LRRTM4: variants seen among roughly 807,000 people sequenced by gnomAD.
LRRTM4 encodes leucine rich repeat transmembrane neuronal 4, also known as leucine-rich repeat transmembrane neuronal protein 4.
In LRRTM4, 25 loss-of-function variants were observed where a neutral mutation model predicts 47.6. The observed-to-expected ratio is 0.53, with a 90% CI of 0.38 to 0.73. The LOEUF (loss-of-function observed/expected upper bound fraction) is 0.73, where lower values mean the gene tolerates loss of function less well. Among genes scored for constraint, LRRTM4 ranks in the 30% least tolerant of loss-of-function variants. The pLI, the probability that LRRTM4 is intolerant of heterozygous loss-of-function variation, is 0.00. For missense variants in LRRTM4, 638 were observed against 713.4 expected (o/e 0.89, Z 1.20); for synonymous variants, 311 against 269.5 (o/e 1.15, Z -1.51).
intron 3 of LRRTM4, among the ~76,000 whole-genome samples, chr2:76,832,051 C>T (rs1276456561): frequency 6.6e-6 from 1 of 152,000 alleles, no homozygotes; most frequent in Non-Finnish European, 1.5e-5. Flanking sequence ...CACTGGAAAC[C>T]CATGAGTTTT....
chr2:77,512,510 T>C (rs2104107006), intron 3 of LRRTM4, among the ~76,000 whole-genome samples: 1 of 152,284 alleles, frequency 6.6e-6, no homozygotes, highest in South Asian at 2.1e-4. Flanking sequence ...TGCTTTTCAC[T>C]GATCAAAAGA....
At chr2:76,760,629 G>A (rs981673283) in intron 3 of LRRTM4, among the ~76,000 whole-genome samples, 2 of 152,072 alleles carry the variant, frequency 1.3e-5, no homozygotes, top group East Asian at 3.9e-4. Context: ...AAATCTCGGT[G>A]TATCCAATTC....
rs182588075 is a variant in LRRTM4 at position 77,246,563 on chromosome 2, A to G, written c.1551+271755T>C. ...GCCACATGGGTTTAGAGGCTACCAA[A>G]TTGGACTGCACAGATACAGAACATT... On this transcript the variant is annotated intron_variant, in intron 3 of 3. Coordinates refer to ENST00000409884, the MANE Select transcript of LRRTM4 (RefSeq NM_001134745.3). Among the ~76,000 whole-genome samples the G allele has an allele frequency of 1.8e-3, 271 of 152,252 alleles. 4 individuals are homozygous for G. Among genetic ancestry groups the G allele is most frequent in the Non-Finnish European group, 1.8e-4 (12 of 67,998 alleles).
intron 3 of LRRTM4, among the ~76,000 whole-genome samples, chr2:76,909,614 C>T (rs1447397874): frequency 6.6e-6 from 1 of 151,944 alleles, no homozygotes; most frequent in East Asian, 1.9e-4. Flanking sequence ...GGGCTAATAT[C>T]CAGAATCTAC....
At chr2:77,252,918 C>T (rs887810165) in intron 3 of LRRTM4, among the ~76,000 whole-genome samples, 2 of 152,148 alleles carry the variant, frequency 1.3e-5, no homozygotes. Flanking sequence ...TGGCTGCCTT[C>T]TTCCTATGCC....
At chr2:76,952,308 C>T (rs1039186983) in intron 3 of LRRTM4, among the ~76,000 whole-genome samples, 9 of 151,868 alleles carry the variant, frequency 5.9e-5, no homozygotes, top group Admixed American at 1.3e-4. Context: ...TCCAACAAAG[C>T]TATAATATCC....
intron 3 of LRRTM4, among the ~76,000 whole-genome samples, chr2:77,015,596 T>A (rs1306495722): frequency 6.6e-6 from 1 of 151,982 alleles, no homozygotes; most frequent in Non-Finnish European, 1.5e-5. Context: ...AGTGCTGGGA[T>A]TACAGGTGTG....
At chr2:77,005,972 T>A (rs1037487985) in intron 3 of LRRTM4, among the ~76,000 whole-genome samples, 1 of 152,214 alleles carries the variant, frequency 6.6e-6, no homozygotes, top group Non-Finnish European at 1.5e-5. Context: ...AGAGGATAGT[T>A]AAGGTTCATA....
chr2:76,998,518 TAAC>T (rs1380958018), intron 3 of LRRTM4, among the ~76,000 whole-genome samples: 3 of 152,030 alleles, frequency 2.0e-5, no homozygotes, highest in Admixed American at 2.0e-4. Context: ...AGAACAACAG[TAAC>T]AACAATAATG....
intron 3 of LRRTM4, among the ~76,000 whole-genome samples, chr2:76,839,183 T>A (rs1573193002): frequency 6.6e-6 from 1 of 152,182 alleles, no homozygotes. Context: ...AAATAAGAAG[T>A]GCTCTCCAAT....
At chr2:77,040,125 T>C (rs144377495) in intron 3 of LRRTM4, among the ~76,000 whole-genome samples, 2 of 151,362 alleles carry the variant, frequency 1.3e-5, no homozygotes, top group Non-Finnish European at 3.0e-5. Flanking sequence ...ATGGATTTCA[T>C]TGTAGTCCAA....
At chr2:76,759,647 A>G (rs73940044) in intron 3 of LRRTM4, among the ~76,000 whole-genome samples, 116 of 152,060 alleles carry the variant, frequency 7.6e-4, no homozygotes, top group East Asian at 6.8e-3. Flanking sequence ...GTGTGTGTGT[A>G]TGTAGAAGTC....
chr2:77,245,517 C>CAAAAAAAAA (rs770133274), intron 3 of LRRTM4, among the ~76,000 whole-genome samples: 1 of 86,420 alleles, frequency 1.2e-5, no homozygotes, highest in Non-Finnish European at 2.6e-5. Flanking sequence ...GACACTGCCT[C>CAAAAAAAAA]AAAAAAAAAA....
Position 77,518,655 on chromosome 2 carries a change from G to T in LRRTM4, c.1214C>A (p.Ser405Tyr), listed in dbSNP as rs1386387121. The T allele has an allele frequency of 6.2e-7, 1 of 1,613,460 alleles. No homozygotes were observed. ...TGCGCCAGGAATCTGAAACCCTGGG[G>T]AAGGGCTTGGTGTTTCAAAGGTGGA... The part of the protein sequence containing the change: ...TQSTFETPSP[S>Y]PGFQIPGAEQ... The change falls in exon 3 of 4, where the codon TCC becomes TAC. Residue 405 changes from serine (S) to tyrosine (Y), a missense_variant. Coordinates refer to ENST00000409884, the MANE Select transcript of LRRTM4 (RefSeq NM_001134745.3).
intron 3 of LRRTM4, among the ~76,000 whole-genome samples, chr2:76,926,233 A>T (rs1674585688): frequency 6.6e-6 from 1 of 152,196 alleles, no homozygotes; most frequent in Non-Finnish European, 1.5e-5. Context: ...ATGATTAACA[A>T]AGAACTTTAA....
At chr2:77,508,017 C>T (rs923667043) in intron 3 of LRRTM4, among the ~76,000 whole-genome samples, 1 of 151,970 alleles carries the variant, frequency 6.6e-6, no homozygotes, top group South Asian at 2.1e-4. Context: ...AGTTCTAGCT[C>T]AAGTGAACAG....
intron 3 of LRRTM4, among the ~76,000 whole-genome samples, chr2:77,277,713 A>T (rs1429217260): frequency 3.9e-5 from 6 of 152,022 alleles, no homozygotes; most frequent in Non-Finnish European, 7.4e-5. Context: ...ATGACAAATG[A>T]ATTCTGTGAA....
At chr2:76,812,714 T>TTCTTTCTTTCTTTCTTTTCTTTCTTTA (rs1670774029) in intron 3 of LRRTM4, among the ~76,000 whole-genome samples, 1 of 138,682 alleles carries the variant, frequency 7.2e-6, no homozygotes, top group South Asian at 2.4e-4. Context: ...CTTTATTTCT[T>TTCTTTCTTTCTTTCTTTTCTTTCTTTA]TTTCTTTCTC....
At chr2:77,265,355 C>T (rs1676023039) in intron 3 of LRRTM4, among the ~76,000 whole-genome samples, 1 of 152,070 alleles carries the variant, frequency 6.6e-6, no homozygotes, top group Non-Finnish European at 1.5e-5. Context: ...GTCATGAGGT[C>T]TCTGCCCTCA....
Sources: gnomAD v4.1 joint callset for allele counts (sites outside exome capture counted in the v4.1 genomes callset) on GRCh38, gnomAD v4.1.1 for gene constraint, MANE v1.5 for transcripts, NCBI Gene and HGNC (gene_info 2026-07-23, HGNC 2026-07-21) for gene names.